ASTN2: variants seen among roughly 807,000 people sequenced by gnomAD.
ASTN2 encodes astrotactin-2.
A neutral mutation model predicts 139.8 loss-of-function variants in ASTN2; 54 were observed. The observed-to-expected ratio is 0.39, with a 90% CI of 0.31 to 0.48. ASTN2 has a LOEUF of 0.48. Ranked by LOEUF, ASTN2 falls within the 20% of genes least tolerant of loss-of-function variation. ASTN2 has a pLI of 0.95. For synonymous variants in ASTN2, 756 were observed against 719.5 expected (o/e 1.05, Z -0.81); for missense variants, 1,565 against 1,725.1 (o/e 0.91, Z 1.64).
At chr9:117,134,289 T>C (rs35227533) in intron 4 of ASTN2, among the ~76,000 whole-genome samples, 170 of 81,386 alleles carry the variant, frequency 2.1e-3, no homozygotes, top group African/African-American at 7.9e-3. Flanking sequence ...TATATATATA[T>C]ATATATACAC....
chr9:116,855,503 T>G lies in ASTN2; in HGVS notation c.2040+8080A>C, dbSNP rs115425978. Among the ~76,000 whole-genome samples the G allele has an allele frequency of 3.8e-3, 574 of 152,332 alleles. 2 individuals carry two copies. Among genetic ancestry groups the G allele is most frequent in the African/African-American group, 0.013 (556 of 41,578 alleles). On this transcript the variant is annotated intron_variant, in intron 11 of 22. Transcript: ENST00000313400. ...TATTCCTATGTCCTTTTCCAATACT[T>G]AGCCTCTTTAGCTTCCTCTGGATCT... is the stretch of plus-strand genomic sequence containing the variant.
intron 4 of ASTN2, among the ~76,000 whole-genome samples, chr9:117,135,421 C>T (rs1829928003): frequency 6.6e-6 from 1 of 152,196 alleles, no homozygotes; most frequent in African/African-American, 2.4e-5. Context: ...CACTGCATCC[C>T]ATTAACCGTT....
intron 20 of ASTN2, among the ~76,000 whole-genome samples, chr9:116,448,835 G>T (rs1848086231): frequency 6.6e-6 from 1 of 152,170 alleles, no homozygotes. Flanking sequence ...CAGACAGTAT[G>T]GATGTAGAGA....
chr9:116,733,195 G>C (rs1236088567), intron 14 of ASTN2, among the ~76,000 whole-genome samples: 1 of 152,208 alleles, frequency 6.6e-6, no homozygotes, highest in Admixed American at 6.5e-5. Context: ...GCAGTCCCAA[G>C]TCTGAGGTCT....
chr9:116,776,284 A>G (rs1401249518), intron 13 of ASTN2, among the ~76,000 whole-genome samples: 1 of 152,210 alleles, frequency 6.6e-6, no homozygotes, highest in South Asian at 2.1e-4. Context: ...TGAGGGGACT[A>G]TCATTAATAG....
At chr9:117,370,374 C>G (rs887668023) in intron 1 of ASTN2, among the ~76,000 whole-genome samples, 6 of 152,152 alleles carry the variant, frequency 3.9e-5, no homozygotes, top group Admixed American at 2.6e-4. Flanking sequence ...TCGGTGAACA[C>G]CAAAGGCACA....
chr9:117,016,570 G>C, intron 6 of ASTN2, among the ~76,000 whole-genome samples: 1 of 127,282 alleles, frequency 7.9e-6, no homozygotes, highest in Non-Finnish European at 1.6e-5. Context: ...ACAGTCCACT[G>C]GGATTTGGGG....
At chr9:116,460,480 T>C (rs1421983266) in intron 20 of ASTN2, among the ~76,000 whole-genome samples, 2 of 152,140 alleles carry the variant, frequency 1.3e-5, no homozygotes, top group African/African-American at 4.8e-5. Context: ...AATGATGGCA[T>C]GGTTCTCCTT....
At chr9:116,524,123 C>G (rs1850992335) in intron 19 of ASTN2, among the ~76,000 whole-genome samples, 1 of 152,060 alleles carries the variant, frequency 6.6e-6, no homozygotes, top group Non-Finnish European at 1.5e-5. Context: ...ATATTTCTAA[C>G]ATGGATGGGA....
rs929605916 is a variant in ASTN2 at position 117,104,979 on chromosome 9, A to C, written c.1169-8828T>G. Among the ~76,000 whole-genome samples the C allele has an allele frequency of 2.0e-5, 3 of 152,226 alleles. No individual in the cohort carries two copies. In the South Asian group the frequency reaches 6.2e-4, roughly 32 times the overall value. On this transcript the variant is annotated intron_variant, in intron 4 of 22. Coordinates refer to ENST00000313400, the MANE Select transcript of ASTN2 (RefSeq NM_001365068.1). ...ACTACTTACGAGGGAGAAGCTCACC[A>C]ATCTAGCTTAACTCACTCTTCCAGG...
intron 4 of ASTN2, among the ~76,000 whole-genome samples, chr9:117,107,552 T>C (rs1829138279): frequency 6.6e-6 from 1 of 152,242 alleles, no homozygotes; most frequent in African/African-American, 2.4e-5. Context: ...CCGTATCCTT[T>C]TTAAAATAGT....
intron 19 of ASTN2, among the ~76,000 whole-genome samples, chr9:116,564,211 G>T (rs892550776): frequency 2.4e-4 from 37 of 152,292 alleles, no homozygotes; most frequent in Middle Eastern, 3.4e-3. Context: ...AGTGATCTCA[G>T]GTGGCTCTTT....
At chr9:117,035,548 G>GAA (rs1158967558) in intron 6 of ASTN2, among the ~76,000 whole-genome samples, 37 of 152,204 alleles carry the variant, frequency 2.4e-4, no homozygotes, top group African/African-American at 7.2e-4. Context: ...CAATTTTCTA[G>GAA]ATCCTTCTCT....
intron 4 of ASTN2, among the ~76,000 whole-genome samples, chr9:117,107,377 G>C (rs916237376): frequency 6.6e-6 from 1 of 151,958 alleles, no homozygotes; most frequent in Non-Finnish European, 1.5e-5. Flanking sequence ...AAGGTTTTTT[G>C]ATCTATATTG....
At chr9:116,942,691 T>C (rs537410676) in intron 10 of ASTN2, among the ~76,000 whole-genome samples, 2 of 152,272 alleles carry the variant, frequency 1.3e-5, no homozygotes, top group South Asian at 2.1e-4. Flanking sequence ...TTTCTGCATA[T>C]AAGGAAGCTA....
intron 1 of ASTN2, among the ~76,000 whole-genome samples, chr9:117,353,877 A>C (rs967584128): frequency 5.3e-5 from 8 of 152,202 alleles, no homozygotes; most frequent in Non-Finnish European, 1.2e-4. Context: ...CAAAAAGACC[A>C]GCGATAGCAG....
At chr9:117,318,814 G>T (rs908227546) in intron 1 of ASTN2, among the ~76,000 whole-genome samples, 2 of 152,138 alleles carry the variant, frequency 1.3e-5, no homozygotes, top group African/African-American at 4.8e-5. Flanking sequence ...GTACTCCCTT[G>T]CAAAAGGCCT....
intron 2 of ASTN2, among the ~76,000 whole-genome samples, chr9:117,245,778 T>A (rs979681091): frequency 1.3e-5 from 2 of 152,156 alleles, no homozygotes; most frequent in African/African-American, 2.4e-5. Flanking sequence ...GTACATTCTT[T>A]CCCACTACTC....
intron 13 of ASTN2, among the ~76,000 whole-genome samples, chr9:116,801,700 G>A (rs1182228780): frequency 1.3e-5 from 2 of 151,968 alleles, no homozygotes; most frequent in Non-Finnish European, 2.9e-5. Context: ...CCACAGTGGG[G>A]AGGCAACTGA....
Sources: allele counts gnomAD v4.1 joint callset (sites outside exome capture counted in the v4.1 genomes callset), GRCh38; gene constraint gnomAD v4.1.1; transcripts MANE v1.5; gene names NCBI Gene and HGNC (gene_info 2026-07-23, HGNC 2026-07-21).